RANBP17: variants seen among roughly 807,000 people sequenced by gnomAD.
RANBP17 encodes the protein ran-binding protein 17.
RANBP17 carries 158 observed loss-of-function variants against 141.2 expected under a neutral mutation model. That is an observed-to-expected ratio of 1.12 (90% CI 0.98 to 1.28). The LOEUF is 1.28. Among genes scored for constraint, RANBP17 ranks in the 50% most tolerant of loss-of-function variants. The probability of loss-of-function intolerance (pLI) is 0.00; values close to 1 mark genes in which losing one functional copy is unlikely to be tolerated. For synonymous variants in RANBP17, 430 were observed against 450.0 expected (o/e 0.96, Z 0.56); for missense variants, 1,438 against 1,290.7 (o/e 1.11, Z -1.75).
At chr5:171,012,442 A>G (rs1780123171) in intron 14 of RANBP17, among the ~76,000 whole-genome samples, 1 of 152,086 alleles carries the variant, frequency 6.6e-6, no homozygotes, top group South Asian at 2.1e-4. Context: ...CCTTGCTGAA[A>G]ACGAAAAATC....
At chr5:171,096,195 T>C (rs1024389595) in intron 14 of RANBP17, among the ~76,000 whole-genome samples, 3 of 152,200 alleles carry the variant, frequency 2.0e-5, no homozygotes, top group African/African-American at 7.2e-5. Context: ...ACCTGCATTA[T>C]TGAAAGGTCA....
intron 14 of RANBP17, among the ~76,000 whole-genome samples, chr5:171,020,883 G>C (rs1780806480): frequency 6.6e-6 from 1 of 152,098 alleles, no homozygotes; most frequent in South Asian, 2.1e-4. Context: ...GTCTTTATAT[G>C]TTGGTGTGTT....
intron 14 of RANBP17, among the ~76,000 whole-genome samples, chr5:170,993,855 T>G (rs975855309): frequency 1.3e-5 from 2 of 152,042 alleles, no homozygotes; most frequent in African/African-American, 2.4e-5. Context: ...ACAAGACTCT[T>G]GCAAACAGAA....
chr5:171,165,304 C>T (rs1031762731), intron 14 of RANBP17, among the ~76,000 whole-genome samples: 3 of 151,810 alleles, frequency 2.0e-5, no homozygotes, highest in African/African-American at 7.3e-5. Context: ...GTCTCAGCCT[C>T]CCAAGTAGCT....
intron 18 of RANBP17, among the ~76,000 whole-genome samples, chr5:171,198,908 CATT>C (rs1762134613): frequency 6.6e-6 from 1 of 152,150 alleles, no homozygotes; most frequent in African/African-American, 2.4e-5. Context: ...TTCAATCTCT[CATT>C]TAAAAGAAAC....
chr5:171,180,117 C>A (rs987036077), intron 16 of RANBP17, among the ~76,000 whole-genome samples: 2 of 152,172 alleles, frequency 1.3e-5, no homozygotes, highest in Non-Finnish European at 2.9e-5. Context: ...GCCAGCCAGA[C>A]TATAGAGTTT....
intron 21 of RANBP17, among the ~76,000 whole-genome samples, chr5:171,220,501 C>T (rs866456162): frequency 2.2e-5 from 3 of 136,428 alleles, no homozygotes; most frequent in Non-Finnish European, 4.6e-5. Context: ...CAGGCTGGAG[C>T]GCAGTGGCCC....
rs938648319 is a variant in RANBP17, at chr5:171,244,985, C to T, written c.2776+2165C>T. Among the ~76,000 whole-genome samples, 13 of 151,950 alleles carry T rather than the reference C, an allele frequency of 8.6e-5. No homozygotes were observed. In the East Asian group the frequency reaches 1.4e-3, roughly 16 times the overall value. ...CTAAAAATACAAAAACAAAATTAGC[C>T]GGGCTTGGTAGCGGGCACCTGTAGT... On this transcript the variant is annotated intron_variant, in intron 24 of 27. Transcript: ENST00000523189.
At chr5:170,929,452 A>G (rs1773169822) in intron 12 of RANBP17, among the ~76,000 whole-genome samples, 1 of 152,082 alleles carries the variant, frequency 6.6e-6, no homozygotes, top group Admixed American at 6.6e-5. Context: ...TGGGGTTTTA[A>G]AATAGACCTT....
At chr5:171,072,341 A>G (rs1372473329) in intron 14 of RANBP17, among the ~76,000 whole-genome samples, 2 of 152,144 alleles carry the variant, frequency 1.3e-5, no homozygotes, top group African/African-American at 2.4e-5. Context: ...AATTTCTAAC[A>G]TGCAGAACTG....
chr5:171,263,520 A>G (rs983024802), intron 24 of RANBP17, among the ~76,000 whole-genome samples: 1 of 152,230 alleles, frequency 6.6e-6, no homozygotes, highest in Non-Finnish European at 1.5e-5. Context: ...GAGATAATAA[A>G]TGGTTGCTCT....
intron 25 of RANBP17, among the ~76,000 whole-genome samples, chr5:171,267,557 C>A (rs751548236): frequency 2.6e-5 from 4 of 152,148 alleles, no homozygotes; most frequent in Non-Finnish European, 5.9e-5. Flanking sequence ...CCTGTAATCT[C>A]AGCACCTTTG....
chr5:171,079,574 T>C (rs569005676), intron 14 of RANBP17, among the ~76,000 whole-genome samples: 1 of 152,320 alleles, frequency 6.6e-6, no homozygotes, highest in Admixed American at 6.5e-5. Flanking sequence ...ATAAGCCAAC[T>C]AACCTTCAGC....
intron 25 of RANBP17, among the ~76,000 whole-genome samples, chr5:171,272,054 G>T (rs1767149260): frequency 6.6e-6 from 1 of 152,142 alleles, no homozygotes; most frequent in South Asian, 2.1e-4. Context: ...AACATGGATG[G>T]AGCTGGAGGC....
At chr5:171,178,016 T>C (rs1760608554) in intron 16 of RANBP17, among the ~76,000 whole-genome samples, 2 of 149,166 alleles carry the variant, frequency 1.3e-5, no homozygotes, top group African/African-American at 2.5e-5. Context: ...GGATTTTTTA[T>C]GTGGTTTTTT....
intron 14 of RANBP17, among the ~76,000 whole-genome samples, chr5:171,052,440 G>C (rs959852925): frequency 1.3e-5 from 2 of 151,990 alleles, no homozygotes; most frequent in South Asian, 4.1e-4. Flanking sequence ...CTTTGCATGT[G>C]GTCATCCAGT....
intron 22 of RANBP17, among the ~76,000 whole-genome samples, chr5:171,240,275 A>C (rs965829720): frequency 9.8e-5 from 15 of 152,320 alleles, no homozygotes; most frequent in Admixed American, 6.5e-4. Context: ...GTGATCATAC[A>C]AACATTTCTT....
At chr5:171,172,451 A>G (rs1412744058) in intron 16 of RANBP17, among the ~76,000 whole-genome samples, 1 of 151,568 alleles carries the variant, frequency 6.6e-6, no homozygotes, top group African/African-American at 2.4e-5. Context: ...TTTCCTTTTT[A>G]CTGGAAAGTG....
chr5:171,204,028 GA>G (rs1762442365), intron 19 of RANBP17, among the ~76,000 whole-genome samples: 1 of 151,964 alleles, frequency 6.6e-6, no homozygotes, highest in African/African-American at 2.4e-5. Flanking sequence ...TTCAGGTGGT[GA>G]AAAAAGGCTA....
Sources: gnomAD v4.1 joint callset for allele counts (sites outside exome capture counted in the v4.1 genomes callset) on GRCh38, gnomAD v4.1.1 for gene constraint, MANE v1.5 for transcripts, NCBI Gene and HGNC (gene_info 2026-07-23, HGNC 2026-07-21) for gene names.